IQCE: variants seen among roughly 807,000 people sequenced by gnomAD.
IQCE encodes IQ domain-containing protein E.
In IQCE, 115 loss-of-function variants were observed where a neutral mutation model predicts 96.0. The observed-to-expected ratio is 1.20, with a 90% CI of 1.03 to 1.40. The LOEUF is 1.40. IQCE is among the 40% of genes most tolerant of loss of function. The pLI is 0.00. For missense variants in IQCE, 1,041 were observed against 909.1 expected, an observed-to-expected ratio of 1.15 and a Z score of -1.87; for synonymous variants, 412 against 371.2, an observed-to-expected ratio of 1.11 and a Z score of -1.26.
Position 2,598,532 on chromosome 7 carries a change from G to T in IQCE, c.1508G>T (p.Ser503Ile). 6.2e-7 allele frequency: 1 copy of T among 1,611,156 alleles called. No individual in the cohort carries two copies. ...HCEQDWPPDS[S>I]EEGLPRPRSP... ...GAGCAAGACTGGCCGCCGGATTCCA[G>T]CGAGGAGGGGCTCCCGCGGCCCCGC... The change falls in exon 17 of 22, where the codon AGC (serine) becomes ATC (isoleucine). Residue 503 changes from serine to isoleucine, a missense_variant. Ser to Ile is a moderately radical substitution (Grantham distance 142). Coordinates refer to ENST00000402050, the MANE Select transcript of IQCE (RefSeq NM_152558.5).
Position 2,594,890 on chromosome 7 carries a change from G to C in IQCE, c.1354G>C (p.Glu452Gln). ...RREREEVLRE[E>Q]IQTLTSKLQE... ...TCTTTTCCCTTTCCGCCTTAGAGAG[G>C]AGATTCAGACACTTACCAGCAAGCT... is the stretch of plus-strand genomic sequence containing the variant. The change falls in exon 16 of 22, where the codon GAG becomes CAG. Residue 452 changes from glutamate to glutamine, a missense_variant. Physicochemically the swap from Glu to Gln is conservative, Grantham distance 29 (BLOSUM62 2). Transcript: ENST00000402050. The C allele has an allele frequency of 5.0e-6, 8 of 1,611,242 alleles. No homozygotes were observed. The highest frequency in any genetic ancestry group is 4.2e-6 in the Non-Finnish European group (5 of 1,177,336).
chr7:2,584,242 C>G lies in IQCE; in HGVS notation c.781C>G (p.Arg261Gly). 1.2e-6 allele frequency: 2 copies of G among 1,613,796 alleles called. No homozygotes were observed. Among genetic ancestry groups the G allele is most frequent in the Non-Finnish European group, 1.7e-6 (2 of 1,179,664 alleles). The part of the protein sequence containing the change: ...AMETYYEEVH[R>G]LQTLLASSET... ...TTCAATTTGGTATTTACAGGTGCAT[C>G]GTCTCCAGACCCTCTTGGCAAGTTC... The change falls in exon 11 of 22, where the codon CGT becomes GGT. Residue 261 changes from arginine (R) to glycine (G), a missense_variant. Transcript: ENST00000402050.
intron 6 of IQCE, among the ~76,000 whole-genome samples, chr7:2,575,276 G>A (rs1782035560): frequency 6.6e-6 from 1 of 152,242 alleles, no homozygotes; most frequent in Non-Finnish European, 1.5e-5. Context: ...CGAGGGTGGA[G>A]GTCCAGTTCC....
In IQCE at chr7:2,567,194, C is replaced by G. The variant is rs1484812405; in HGVS notation, c.84+31C>G. The stretch of plus-strand genomic sequence containing the variant: ...TGCCGCTGGGTGTCAGCCGTGCGAC[C>G]TCGGGCTGGTTGCGCTGCCCTTGCA... On this transcript the variant is annotated intron_variant, in intron 2 of 21. Coordinates refer to ENST00000402050, the MANE Select transcript of IQCE (RefSeq NM_152558.5). The G allele has an allele frequency of 4.4e-6, 7 of 1,600,774 alleles. No individual in the cohort carries two copies. The East Asian group carries it at 1.6e-4, about 36-fold the overall frequency.
In IQCE at chr7:2,601,542, G is replaced by A. The variant is rs770795334; in HGVS notation, c.1632+78G>A. Reference sequence around the variant, plus strand: ...AGTAGGTGAGGGGATATTTAAAGATGTGTTGATTCCTTTTCTTTTTTTTTC... The same window carrying A: ...AGTAGGTGAGGGGATATTTAAAGATATGTTGATTCCTTTTCTTTTTTTTTC... On this transcript the variant is annotated intron_variant, in intron 18 of 21. Coordinates refer to ENST00000402050, the MANE Select transcript of IQCE (RefSeq NM_152558.5). 4 of 1,009,552 alleles carry A rather than the reference G, an allele frequency of 4.0e-6. No individual in the cohort carries two copies. In the African/African-American group the frequency reaches 4.8e-5, roughly 12 times the overall value. The allele number at this position is 1,009,552 out of a possible 1,614,324, so 62.5% of individuals were successfully genotyped here.
At position 2,607,242 on chromosome 7, in the gene IQCE, T is replaced by G. The variant is rs191506691; in HGVS notation, c.1969+15T>G. ...AGCTCTTCCTGGTAATTTCATTCAT[T>G]TGGATTCTGGCACCAGGGCAGCTGG... is the stretch of plus-strand genomic sequence containing the variant. On this transcript the variant is annotated intron_variant, in intron 21 of 21. Transcript: ENST00000402050. The G allele has an allele frequency of 1.6e-4, 257 of 1,613,558 alleles. No individual in the cohort carries two copies. In the African/African-American group the frequency reaches 3.2e-3, roughly 20 times the overall value.
At chr7:2,568,273 G>A (rs1263682587) in intron 2 of IQCE, among the ~76,000 whole-genome samples, 2 of 152,202 alleles carry the variant, frequency 1.3e-5, no homozygotes, top group African/African-American at 4.8e-5. Flanking sequence ...TGCACTATGG[G>A]TATAATGTAT....
intron 14 of IQCE, among the ~76,000 whole-genome samples, chr7:2,591,454 T>A (rs1053805384): frequency 5.3e-5 from 8 of 152,032 alleles, no homozygotes; most frequent in Non-Finnish European, 1.2e-4. Context: ...ATCTTTGGAA[T>A]GATGTTTCTC....
rs541915678 is a variant in IQCE at position 2,582,319 on chromosome 7, GC to G, written c.631-259del. Among the ~76,000 whole-genome samples, 185 of 152,322 alleles carry G rather than the reference GC, an allele frequency of 1.2e-3. 2 individuals are homozygous for G. In the South Asian group the frequency reaches 0.035, roughly 29 times the overall value. On this transcript the variant is annotated intron_variant, in intron 8 of 21. Transcript: ENST00000402050. Reference sequence around the variant, plus strand: ...TGTGCAGTGTGCTTGGGGGAGGGCTGCCAGTCGGTCAGTGTGCCCACGATGG... The same window carrying G: ...TGTGCAGTGTGCTTGGGGGAGGGCTGCAGTCGGTCAGTGTGCCCACGATGG...
At chr7:2,569,213 T>C (rs6962848) in intron 3 of IQCE, among the ~76,000 whole-genome samples, 26,384 of 152,070 alleles carry the variant, frequency 0.17, 2,556 homozygotes, top group African/African-American at 0.23. Flanking sequence ...GGAGTCCCTG[T>C]TGGTGCCAGA....
At chr7:2,561,021 C>T (rs1780912898) in intron 1 of IQCE, among the ~76,000 whole-genome samples, 1 of 151,568 alleles carries the variant, frequency 6.6e-6, no homozygotes, top group African/African-American at 2.4e-5. Flanking sequence ...GCAATGATGC[C>T]ATCTCAGATC....
At chr7:2,583,117 A>G (rs1162179483) in intron 9 of IQCE, among the ~76,000 whole-genome samples, 3 of 152,156 alleles carry the variant, frequency 2.0e-5, no homozygotes, top group Admixed American at 6.5e-5. Context: ...AATTTTGTCA[A>G]CTTAAGTTTG....
At chr7:2,608,220 T>A (rs1319064687) in intron 21 of IQCE, among the ~76,000 whole-genome samples, 1 of 152,172 alleles carries the variant, frequency 6.6e-6, no homozygotes, top group Non-Finnish European at 1.5e-5. Flanking sequence ...TGGGGGCCCG[T>A]GGCGGGCGGA....
intron 15 of IQCE, among the ~76,000 whole-genome samples, chr7:2,593,964 G>A (rs985631299): frequency 6.6e-6 from 1 of 152,182 alleles, no homozygotes; most frequent in Non-Finnish European, 1.5e-5. Context: ...TAGACTACCG[G>A]AATGAAGAAA....
chr7:2,592,607 G>A (rs1227538871), intron 14 of IQCE, among the ~76,000 whole-genome samples: 1 of 152,228 alleles, frequency 6.6e-6, no homozygotes, highest in Non-Finnish European at 1.5e-5. Flanking sequence ...AACGCATCTG[G>A]GAGCAGTTCA....
intron 16 of IQCE, among the ~76,000 whole-genome samples, chr7:2,597,350 G>C (rs1462271251): frequency 6.6e-6 from 1 of 152,258 alleles, no homozygotes; most frequent in East Asian, 1.9e-4. Flanking sequence ...CCCGAAGGCA[G>C]GCCCTTCACT....
At chr7:2,560,140 G>C (rs922125205) in intron 1 of IQCE, among the ~76,000 whole-genome samples, 1 of 151,736 alleles carries the variant, frequency 6.6e-6, no homozygotes, top group African/African-American at 2.4e-5. Context: ...CTGAGAGACA[G>C]AGTGAGGCTG....
intron 1 of IQCE, among the ~76,000 whole-genome samples, chr7:2,561,422 A>T (rs1393318160): frequency 6.3e-5 from 9 of 143,488 alleles, no homozygotes. Context: ...ATATACAATA[A>T]TTTTTTTTTT....
intron 11 of IQCE, among the ~76,000 whole-genome samples, 170 bp from the exon 12 acceptor site, chr7:2,586,038 A>T (rs955721075): frequency 1.3e-5 from 2 of 152,104 alleles, no homozygotes; most frequent in Non-Finnish European, 2.9e-5. Flanking sequence ...CATTTTGCTT[A>T]TTTAGAGTTC....
Sources: allele counts gnomAD v4.1 joint callset (sites outside exome capture counted in the v4.1 genomes callset), GRCh38; gene constraint gnomAD v4.1.1; transcripts MANE v1.5; gene names NCBI Gene and HGNC (gene_info 2026-07-23, HGNC 2026-07-21).